The following BCO2 variants were observed in gnomAD, a reference collection of about 807,000 sequenced individuals.
BCO2 encodes carotenoid-cleaving dioxygenase, mitochondrial.
Under a neutral mutation model 65.8 loss-of-function variants are expected in BCO2, and 56 were observed. The ratio of observed to expected loss-of-function variants is 0.85; its 90% CI spans 0.69 to 1.06. BCO2 has a LOEUF of 1.06. Ranked by LOEUF, BCO2 falls within the 50% of genes least tolerant of loss-of-function variation. BCO2 has a pLI of 0.00. For synonymous variants in BCO2, 233 were observed against 242.3 expected (o/e 0.96, Z 0.36); for missense variants, 675 against 698.5 (o/e 0.97, Z 0.38).
At chr11:112,206,010 T>C (rs1867856219) in intron 8 of BCO2, among the ~76,000 whole-genome samples, 1 of 152,226 alleles carries the variant, frequency 6.6e-6, no homozygotes, top group South Asian at 2.1e-4. Context: ...AACTTTAATA[T>C]TGAAAATGCA....
intron 8 of BCO2, among the ~76,000 whole-genome samples, chr11:112,205,600 G>A (rs573732807): frequency 1.9e-4 from 29 of 152,234 alleles, no homozygotes; most frequent in African/African-American, 6.5e-4. Flanking sequence ...GTCTACAGGT[G>A]CGTGGCACCA....
At chr11:112,180,927 A>G in intron 2 of BCO2, 1 of 1,108,970 alleles carries the variant, frequency 9.0e-7, no homozygotes, top group Non-Finnish European at 1.4e-6. Flanking sequence ...CTGATTGATG[A>G]TATTGCTTTG....
chr11:112,213,003 C>G (rs1014417510), intron 8 of BCO2, among the ~76,000 whole-genome samples: 4 of 152,130 alleles, frequency 2.6e-5, no homozygotes, highest in African/African-American at 9.7e-5. Context: ...CCCAGGCTTA[C>G]TAAGTTGATC....
chr11:112,200,694 G>A lies in BCO2; in HGVS notation c.947G>A (p.Gly316Glu), dbSNP rs752526303. The change falls in exon 7 of 12, where the codon GGA (glycine) becomes GAA (glutamate). Residue 316 changes from glycine to glutamate, a missense_variant. Transcript: ENST00000357685. ...LWKIATSKIR[G>E]KAFSDGISWE... is the part of the protein sequence containing the mutation. ...AAAATTGCCACTTCTAAAATTCGGGGAAAGGCCTTTTCAGATGGGATAAGC... is the reference window on the plus strand; with the variant it reads ...AAAATTGCCACTTCTAAAATTCGGGAAAAGGCCTTTTCAGATGGGATAAGC... The A allele has an allele frequency of 5.6e-6, 9 of 1,613,874 alleles. No homozygotes were observed. The East Asian group carries it at 2.0e-4, about 36-fold the overall frequency.
intron 8 of BCO2, 97 bp downstream of exon 8, chr11:112,202,287 CT>C: frequency 1.7e-6 from 2 of 1,153,310 alleles, no homozygotes; most frequent in Non-Finnish European, 2.4e-6. Flanking sequence ...CTCTCTCTCT[CT>C]CTTTTTTCTT....
intron 2 of BCO2, among the ~76,000 whole-genome samples, chr11:112,185,266 T>A (rs1405566376): frequency 2.6e-5 from 4 of 152,160 alleles, no homozygotes; most frequent in African/African-American, 7.2e-5. Context: ...ATGGTGTGCT[T>A]AGAAACTGCA....
At chr11:112,199,347 C>G (rs879093090) in intron 5 of BCO2, among the ~76,000 whole-genome samples, 2 of 152,084 alleles carry the variant, frequency 1.3e-5, no homozygotes, top group Admixed American at 1.3e-4. Context: ...TTTTCTTTGT[C>G]CAGTCTATCA....
intron 5 of BCO2, among the ~76,000 whole-genome samples, chr11:112,195,139 ATT>A (rs200114568): frequency 5.6e-5 from 8 of 143,782 alleles, no homozygotes; most frequent in Non-Finnish European, 7.7e-5. Context: ...TCTAAACTAC[ATT>A]TTTTTTTTTT....
chr11:112,189,302 C>T (rs2135361810), intron 2 of BCO2, among the ~76,000 whole-genome samples: 1 of 151,964 alleles, frequency 6.6e-6, no homozygotes, highest in Middle Eastern at 3.4e-3. Context: ...AGGAGGATTG[C>T]TTGAGGAAAG....
chr11:112,200,573 T>C, intron 6 of BCO2, 40 bp from the exon 7 acceptor site: 1 of 1,564,542 alleles, frequency 6.4e-7, no homozygotes, highest in African/African-American at 1.4e-5. Flanking sequence ...CAACTCTAGT[T>C]TGCCAAATAA....
At chr11:112,187,517 T>A (rs999633317) in intron 2 of BCO2, among the ~76,000 whole-genome samples, 19 of 150,580 alleles carry the variant, frequency 1.3e-4, no homozygotes, top group Non-Finnish European at 2.4e-4. Context: ...CTGCCGCAAG[T>A]CTCTGACCCT....
At chr11:112,192,015 T>C (rs1289051892) in intron 2 of BCO2, among the ~76,000 whole-genome samples, 3 of 152,194 alleles carry the variant, frequency 2.0e-5, no homozygotes, top group Non-Finnish European at 4.4e-5. Flanking sequence ...AACAGATCTT[T>C]AGAACTTTTT....
chr11:112,195,296 G>A (rs1364294734), intron 5 of BCO2, among the ~76,000 whole-genome samples: 1 of 152,038 alleles, frequency 6.6e-6, no homozygotes, highest in Non-Finnish European at 1.5e-5. Flanking sequence ...TGCCATGCCT[G>A]GCTAATTTTT....
At chr11:112,189,403 AATT>A (rs1566774979) in intron 2 of BCO2, among the ~76,000 whole-genome samples, 4 of 136,194 alleles carry the variant, frequency 2.9e-5, no homozygotes, top group East Asian at 2.2e-4. Context: ...TAGAAAAGGA[AATT>A]TTTTTTTTTT....
intron 5 of BCO2, among the ~76,000 whole-genome samples, chr11:112,199,028 A>G (rs1867656446): frequency 6.6e-6 from 1 of 152,094 alleles, no homozygotes; most frequent in African/African-American, 2.4e-5. Flanking sequence ...TTACATAGGT[A>G]TACACATGCC....
intron 3 of BCO2, 26 bp downstream of exon 3, chr11:112,193,723 T>C (rs1244562919): frequency 5.0e-6 from 8 of 1,592,268 alleles, no homozygotes; most frequent in Non-Finnish European, 6.9e-6. Context: ...ATTTAAACTA[T>C]TACGATATAT....
intron 8 of BCO2, among the ~76,000 whole-genome samples, chr11:112,212,060 A>G (rs1242456660): frequency 1.3e-4 from 1 of 7,982 alleles, no homozygotes; most frequent in African/African-American, 2.6e-4. Flanking sequence ...AAAAAAGCTA[A>G]TAACTTTATG....
At position 112,202,184 on chromosome 11, in the gene BCO2, T is replaced by G. The variant is rs757583510; in HGVS notation, c.1188T>G (p.Leu396=). The change falls in exon 8 of 12, where the codon CTT becomes CTG. Residue 396 remains leucine, a synonymous_variant. Transcript: ENST00000357685. The part of the protein sequence containing the change: ...LQNLRKAGEG[L]DQVHNSAAKS... ...ATCTCAGGAAGGCTGGGGAAGGGCT[T>G]GATCAGGTAAACATTAGAATTTGTC... The G allele has an allele frequency of 1.9e-6, 3 of 1,608,112 alleles. No individual in the cohort carries two copies. The highest frequency in any genetic ancestry group is 2.5e-6 in the Non-Finnish European group (3 of 1,178,274).
intron 2 of BCO2, chr11:112,180,959 T>A: frequency 8.5e-7 from 1 of 1,175,490 alleles, no homozygotes; most frequent in Non-Finnish European, 1.3e-6. Flanking sequence ...TGATGTTTTG[T>A]TTGTTTGTGA....
Sources: gnomAD v4.1 joint callset for allele counts (sites outside exome capture counted in the v4.1 genomes callset) on GRCh38, gnomAD v4.1.1 for gene constraint, MANE v1.5 for transcripts, NCBI Gene and HGNC (gene_info 2026-07-23, HGNC 2026-07-21) for gene names.